The following FAM135B variants were observed in gnomAD, a reference collection of about 807,000 sequenced individuals.
FAM135B encodes the protein family with sequence similarity 135 member B.
FAM135B carries 43 observed loss-of-function variants against 127.7 expected under a neutral mutation model. The observed-to-expected ratio is 0.34, with a 90% CI of 0.26 to 0.43. The LOEUF is 0.43. Ranked by LOEUF, FAM135B falls within the 20% of genes least tolerant of loss-of-function variation. FAM135B has a pLI of 1.00. For missense variants in FAM135B, 1,558 were observed against 1,725.6 expected, an observed-to-expected ratio of 0.90 and a Z score of 1.72; for synonymous variants, 670 against 665.1, an observed-to-expected ratio of 1.01 and a Z score of -0.11.
At chr8:138,285,978 A>G (rs915657724) in intron 3 of FAM135B, among the ~76,000 whole-genome samples, 6 of 152,220 alleles carry the variant, frequency 3.9e-5, no homozygotes, top group African/African-American at 1.4e-4. Context: ...CACTAGAGTT[A>G]TGGCAGTGAA....
chr8:138,414,958 G>A (rs944231055), intron 1 of FAM135B, among the ~76,000 whole-genome samples: 7 of 152,140 alleles, frequency 4.6e-5, no homozygotes, highest in African/African-American at 1.4e-4. Flanking sequence ...TCCTATCAAA[G>A]GACCTTAAAG....
At chr8:138,253,598 G>A (rs62529127) in intron 5 of FAM135B, among the ~76,000 whole-genome samples, 46,445 of 151,992 alleles carry the variant, frequency 0.31, 7,971 homozygotes, top group East Asian at 0.62. Context: ...GTGAAGCCCC[G>A]CCCTTATTGT....
intron 1 of FAM135B, among the ~76,000 whole-genome samples, chr8:138,408,255 C>T (rs1308521639): frequency 1.3e-5 from 2 of 152,186 alleles, no homozygotes; most frequent in African/African-American, 4.8e-5. Flanking sequence ...TTTATATCTA[C>T]ACTGAAAATC....
intron 3 of FAM135B, among the ~76,000 whole-genome samples, chr8:138,277,804 A>G (rs1823948019): frequency 6.6e-6 from 1 of 152,218 alleles, no homozygotes. Context: ...AACACTCGGC[A>G]GGCAGAAGAT....
chr8:138,344,678 A>C (rs12545595), intron 2 of FAM135B, among the ~76,000 whole-genome samples: 81,793 of 148,278 alleles, frequency 0.55, 23,476 homozygotes, highest in Non-Finnish European at 0.66. Context: ...CAGGTTCATG[A>C]CATTCGCCTG....
intron 2 of FAM135B, chr8:138,367,275 T>A (rs796941797): frequency 4.8e-6 from 2 of 415,486 alleles, no homozygotes; most frequent in African/African-American, 4.1e-5. Flanking sequence ...CATGAAGACA[T>A]GTAGTTCACA....
chr8:138,320,512 G>A (rs536978215), intron 2 of FAM135B, among the ~76,000 whole-genome samples: 12 of 152,140 alleles, frequency 7.9e-5, no homozygotes, highest in African/African-American at 2.2e-4. Context: ...TTCTAATATC[G>A]TCTCTCGTTT....
chr8:138,426,136 GTGTA>G (rs1563992961), intron 1 of FAM135B, among the ~76,000 whole-genome samples: 1 of 139,806 alleles, frequency 7.2e-6, no homozygotes. Flanking sequence ...GTGTGTGTGT[GTGTA>G]TATATATATA....
At chr8:138,434,280 C>T (rs182479711) in intron 1 of FAM135B, among the ~76,000 whole-genome samples, 2 of 152,282 alleles carry the variant, frequency 1.3e-5, no homozygotes, top group African/African-American at 4.8e-5. Flanking sequence ...TTCTGAATCT[C>T]TTTGATTTAT....
At chr8:138,314,172 T>C (rs77206626) in intron 2 of FAM135B, among the ~76,000 whole-genome samples, 3,410 of 152,226 alleles carry the variant, frequency 0.022, 114 homozygotes, top group African/African-American at 0.072. Context: ...TCAATGGTAA[T>C]GAATCAACAG....
intron 1 of FAM135B, among the ~76,000 whole-genome samples, chr8:138,461,417 T>C (rs1359289376): frequency 2.0e-5 from 3 of 152,190 alleles, no homozygotes; most frequent in African/African-American, 7.2e-5. Context: ...AAAATTCCTT[T>C]CCAGAGGATT....
At chr8:138,160,708 T>C (rs1055927285) in intron 12 of FAM135B, among the ~76,000 whole-genome samples, 2 of 152,062 alleles carry the variant, frequency 1.3e-5, no homozygotes, top group Non-Finnish European at 2.9e-5. Flanking sequence ...TGGTGTCTGA[T>C]ATTTAAAGGT....
intron 1 of FAM135B, among the ~76,000 whole-genome samples, chr8:138,369,750 T>C (rs1253063557): frequency 1.3e-5 from 2 of 152,238 alleles, no homozygotes; most frequent in East Asian, 3.9e-4. Context: ...GGCAAGCAAA[T>C]GGAAGCCACC....
intron 6 of FAM135B, among the ~76,000 whole-genome samples, chr8:138,246,873 G>A (rs1487982453): frequency 6.6e-6 from 1 of 152,238 alleles, no homozygotes; most frequent in Non-Finnish European, 1.5e-5. Context: ...AGCTACCCAA[G>A]GCCATGGGAG....
At chr8:138,336,376 G>A (rs567791038) in intron 2 of FAM135B, among the ~76,000 whole-genome samples, 161 of 151,958 alleles carry the variant, frequency 1.1e-3, no homozygotes, top group African/African-American at 3.7e-3. Flanking sequence ...TAATAAAGAA[G>A]AAAAGAAAGA....
chr8:138,226,141 G>A (rs138242843), intron 7 of FAM135B, among the ~76,000 whole-genome samples: 106 of 144,444 alleles, frequency 7.3e-4, no homozygotes, highest in African/African-American at 2.6e-3. Context: ...CAATTTTCTG[G>A]GGACCCACCG....
At chr8:138,137,502 C>T (rs1297258309) in intron 18 of FAM135B, among the ~76,000 whole-genome samples, 1 of 151,988 alleles carries the variant, frequency 6.6e-6, no homozygotes, top group Non-Finnish European at 1.5e-5. Flanking sequence ...AGGGGCTTTG[C>T]GTTTGTGAGG....
chr8:138,200,227 C>G (rs10505695), intron 7 of FAM135B, among the ~76,000 whole-genome samples: 113,045 of 152,174 alleles, frequency 0.74, 42,393 homozygotes, highest in East Asian at 0.82. Context: ...CATTCAGCAA[C>G]GTTTGAAATC....
chr8:138,349,831 G>A (rs937041865), intron 2 of FAM135B, among the ~76,000 whole-genome samples: 1 of 152,126 alleles, frequency 6.6e-6, no homozygotes, highest in Non-Finnish European at 1.5e-5. Context: ...GTTCTGCAGT[G>A]AGCCAGATTC....
Sources: gnomAD v4.1 joint callset for allele counts (sites outside exome capture counted in the v4.1 genomes callset) on GRCh38, gnomAD v4.1.1 for gene constraint, MANE v1.5 for transcripts, NCBI Gene and HGNC (gene_info 2026-07-23, HGNC 2026-07-21) for gene names.